ZNF362: variants seen among roughly 807,000 people sequenced by gnomAD.
ZNF362 encodes the protein zinc finger protein 362, also known as rotund homolog.
ZNF362 carries 11 observed loss-of-function variants against 42.9 expected under a neutral mutation model. The observed-to-expected ratio is 0.26, with a 90% CI of 0.16 to 0.42. The LOEUF is 0.42. ZNF362 is among the 20% of genes least tolerant of loss of function. The pLI, the probability that ZNF362 is intolerant of heterozygous loss-of-function variation, is 1.00. For missense variants in ZNF362, 362 were observed against 576.2 expected (o/e 0.63, Z 3.81); for synonymous variants, 255 against 257.3 (o/e 0.99, Z 0.09).
chr1:33,265,917 C>T (rs1329043551), intron 1 of ZNF362, among the ~76,000 whole-genome samples: 2 of 152,210 alleles, frequency 1.3e-5, no homozygotes, highest in Non-Finnish European at 2.9e-5. Context: ...ATACCCCTGA[C>T]CCACGTGATG....
At chr1:33,298,826 G>C in intron 8 of ZNF362, 104 bp from the exon 9 acceptor site, 1 of 962,880 alleles carries the variant, frequency 1.0e-6, no homozygotes. Context: ...TCCACCCTCT[G>C]AACCGCCTAC....
chr1:33,180,745 C>G, the ZNF362 span, among the ~76,000 whole-genome samples: 2 of 152,230 alleles, frequency 1.3e-5, no homozygotes, highest in Non-Finnish European at 2.9e-5. Context: ...ATCCGCATCC[C>G]CGACTTCTCC....
chr1:33,138,535 C>G, the ZNF362 span, among the ~76,000 whole-genome samples: 1 of 150,900 alleles, frequency 6.6e-6, no homozygotes, highest in Non-Finnish European at 1.5e-5. Context: ...AATAATAGTC[C>G]TAGCTAGTTG....
the ZNF362 span, chr1:33,181,083 G>A: frequency 6.3e-7 from 1 of 1,599,770 alleles, no homozygotes; most frequent in Non-Finnish European, 8.5e-7. This position sits in a 1 kb window ranked among gnomAD's most constrained non-coding sequence, Gnocchi z 6.5. Context: ...GTGCAGTGCA[G>A]GCTCGTCGCA....
the ZNF362 span, among the ~76,000 whole-genome samples, chr1:33,230,910 A>G: frequency 6.6e-6 from 1 of 152,226 alleles, no homozygotes; most frequent in East Asian, 1.9e-4. Context: ...AACCATACAC[A>G]TATTGCTAGG....
At chr1:33,230,055 A>G in the ZNF362 span, among the ~76,000 whole-genome samples, 8 of 152,238 alleles carry the variant, frequency 5.3e-5, no homozygotes, top group East Asian at 1.3e-3. Flanking sequence ...GTTTTTTAAC[A>G]TATAGCTGTG....
At chr1:33,179,331 A>G in the ZNF362 span, among the ~76,000 whole-genome samples, 1 of 152,164 alleles carries the variant, frequency 6.6e-6, no homozygotes, top group South Asian at 2.1e-4. Flanking sequence ...TTTGAGATAA[A>G]AGGGACAGGG....
In ZNF362 at chr1:33,280,634, G is replaced by C. The variant is rs1189493781; in HGVS notation, c.683+177G>C. On this transcript the variant is annotated intron_variant, in intron 5 of 8. Transcript: ENST00000539719. This position sits in a 1 kb window ranked among gnomAD's most constrained non-coding sequence, Gnocchi z 5.6. ...CCACCCACATCCCAAGTCCCAGTTC[G>C]GGGAGGGCTGCTGGGGAGGGGAATA... Among the ~76,000 whole-genome samples the C allele has an allele frequency of 6.6e-6, 1 of 152,190 alleles. No individual in the cohort carries two copies. Among genetic ancestry groups the C allele is most frequent in the East Asian group, 1.9e-4 (1 of 5,182 alleles).
At chr1:33,275,946 C>G (rs1645941762) in intron 2 of ZNF362, among the ~76,000 whole-genome samples, 154 bp from the exon 3 acceptor site, 1 of 152,086 alleles carries the variant, frequency 6.6e-6, no homozygotes, top group African/African-American at 2.4e-5. Context: ...GCTTCCTGGC[C>G]TGGTGGGAGG....
At chr1:33,189,661 A>ATATATATACACATATATATG in the ZNF362 span, among the ~76,000 whole-genome samples, 1 of 20,014 alleles carries the variant, frequency 5.0e-5, no homozygotes, top group African/African-American at 1.1e-4. Flanking sequence ...ATATATATAT[A>ATATATATACACATATATATG]TATATATATA....
the ZNF362 span, chr1:33,158,326 G>A: frequency 1.2e-6 from 2 of 1,614,046 alleles, no homozygotes; most frequent in South Asian, 1.1e-5. Context: ...AGGTCGGGAA[G>A]TCTTCATATG....
At chr1:33,136,779 C>T in the ZNF362 span, among the ~76,000 whole-genome samples, 4 of 151,458 alleles carry the variant, frequency 2.6e-5, no homozygotes, top group African/African-American at 7.3e-5. Flanking sequence ...GCAGGTGGAT[C>T]AGAGGTCAGG....
rs1351158241 is a variant in ZNF362 at position 33,276,601 on chromosome 1, C to T, written c.349+7C>T. The T allele has an allele frequency of 3.0e-5, 40 of 1,335,346 alleles. No homozygotes were observed. Among genetic ancestry groups the T allele is most frequent in the African/African-American group, 4.7e-5 (3 of 64,356 alleles). 82.7% of individuals were successfully genotyped at this position (1,335,346 alleles called of 1,614,324 possible). A position where few individuals can be genotyped will look rare whatever the true frequency, so the allele number is the denominator to read the frequency against. On this transcript the variant is annotated splice_region_variant and intron_variant, in intron 4 of 8. Coordinates refer to ENST00000539719, the MANE Select transcript of ZNF362 (RefSeq NM_152493.3). Reference sequence around the variant, plus strand: ...GCCACCAGCACCGTCACAGGTAGGCCGAGCGGGCGGGGCCGGCGGGGCCGG... The same window carrying T: ...GCCACCAGCACCGTCACAGGTAGGCTGAGCGGGCGGGGCCGGCGGGGCCGG...
the ZNF362 span, chr1:33,160,055 G>A: frequency 7.2e-7 from 1 of 1,393,134 alleles, no homozygotes. Context: ...GGTGGGAAAG[G>A]GCACGCGTGG....
chr1:33,292,588 T>G (rs955642412), intron 6 of ZNF362, among the ~76,000 whole-genome samples: 2 of 152,212 alleles, frequency 1.3e-5, no homozygotes, highest in African/African-American at 4.8e-5. Context: ...CCTCATAAAA[T>G]GAATTAGGGA....
chr1:33,228,133 C>T, the ZNF362 span, among the ~76,000 whole-genome samples: 1 of 152,178 alleles, frequency 6.6e-6, no homozygotes, highest in South Asian at 2.1e-4. Context: ...CAGGTTACTC[C>T]CTTCCCCTCT....
At chr1:33,131,880 GT>G in the ZNF362 span, among the ~76,000 whole-genome samples, 6 of 150,224 alleles carry the variant, frequency 4.0e-5, no homozygotes, top group East Asian at 1.2e-3. Context: ...TGAAAGGTTT[GT>G]TTTTTTTTCA....
At chr1:33,269,973 C>T (rs961664166) in intron 1 of ZNF362, among the ~76,000 whole-genome samples, 22 of 152,310 alleles carry the variant, frequency 1.4e-4, no homozygotes, top group Middle Eastern at 3.4e-3. Flanking sequence ...CCTTCTGGGA[C>T]GGAGTGATAA....
At chr1:33,252,181 G>A (rs542129651), upstream of ZNF362, among the ~76,000 whole-genome samples, 20 of 152,292 alleles carry the variant, frequency 1.3e-4, no homozygotes, top group South Asian at 3.3e-3. Context: ...GGAGAAATAC[G>A]TCTTTACTAA....
Sources: allele counts gnomAD v4.1 joint callset (sites outside exome capture counted in the v4.1 genomes callset), GRCh38; gene constraint gnomAD v4.1.1; non-coding constraint Gnocchi (gnomAD v3.1); transcripts MANE v1.5; gene names NCBI Gene and HGNC (gene_info 2026-07-23, HGNC 2026-07-21).